The following PPP1R17 variants were observed in gnomAD, a reference collection of about 807,000 sequenced individuals.
PPP1R17 encodes protein phosphatase 1 regulatory subunit 17, also known as G-substrate.
PPP1R17 carries 12 observed loss-of-function variants against 15.9 expected under a neutral mutation model. The observed-to-expected ratio is 0.75, with a 90% CI of 0.48 to 1.22. The LOEUF (loss-of-function observed/expected upper bound fraction) is 1.22. Ranked by LOEUF, PPP1R17 falls within the 50% of genes most tolerant of loss-of-function variation. PPP1R17 has a pLI of 0.00. For synonymous variants in PPP1R17, 63 were observed against 64.5 expected, an observed-to-expected ratio of 0.98 and a Z score of 0.11; for missense variants, 211 against 187.3, an observed-to-expected ratio of 1.13 and a Z score of -0.74.
intron 4 of PPP1R17, among the ~76,000 whole-genome samples, chr7:31,706,790 T>C (rs1411737901): frequency 2.6e-5 from 4 of 152,272 alleles, no homozygotes; most frequent in Non-Finnish European, 4.4e-5. Flanking sequence ...AATAACCCTT[T>C]ATAATAATTG....
intron 1 of PPP1R17, among the ~76,000 whole-genome samples, chr7:31,691,958 G>A (rs1161815003): frequency 6.6e-6 from 1 of 152,118 alleles, no homozygotes; most frequent in Non-Finnish European, 1.5e-5. Context: ...TAATAGATGT[G>A]TGACTAAATT....
Position 31,697,158 on chromosome 7 carries a change from G to T in PPP1R17, c.388+41G>T, listed in dbSNP as rs761946025. 4 of 1,607,140 alleles carry T rather than the reference G, an allele frequency of 2.5e-6. No individual in the cohort carries two copies. The South Asian group carries it at 4.5e-5, about 18-fold the overall frequency. On this transcript the variant is annotated intron_variant, in intron 4 of 4. Coordinates refer to ENST00000342032, the MANE Select transcript of PPP1R17 (RefSeq NM_006658.5). ...CAGGGCATTTGCAGGGGGTGATGGG[G>T]ACAGGTCAAGAACCTTACCATCTGG... is the stretch of plus-strand genomic sequence containing the variant.
At chr7:31,695,322 G>T in intron 2 of PPP1R17, 147 bp from the exon 3 acceptor site, 1 of 578,420 alleles carries the variant, frequency 1.7e-6, no homozygotes, top group East Asian at 3.2e-5. Flanking sequence ...AGTCCTTTGT[G>T]GAATAGGCCA....
chr7:31,707,235 A>G lies in PPP1R17; in HGVS notation c.420A>G (p.Lys140=). 6.2e-7 allele frequency: 1 copy of G among 1,614,096 alleles called. No homozygotes were observed. The highest frequency in any genetic ancestry group is 8.5e-7 in the Non-Finnish European group (1 of 1,179,964). Residue 140 remains lysine (K), a synonymous_variant, in exon 5 of 5, where the codon AAA becomes AAG. Transcript: ENST00000342032. ...CATTGCTCAGGGACGAGAGACCCAA[A>G]GCAATCGTGGAAGATGACGAAAAGG... ...GVTLLRDERP[K]AIVEDDEKDG... is the part of the protein sequence containing the mutation.
rs1254276175 is a variant in PPP1R17 at position 31,707,759 on chromosome 7, A to T, written c.*476A>T. ...AACTCACCGATTGCTTTGCAGACAA[A>T]GGTCTTTTATTTCTCCTGTCCTATC... On this transcript the variant is annotated 3_prime_UTR_variant, in exon 5 of 5. Coordinates refer to ENST00000342032, the MANE Select transcript of PPP1R17 (RefSeq NM_006658.5). 6.4e-6 allele frequency: 1 copy of T among 156,958 alleles called. No individual in the cohort carries two copies. Among genetic ancestry groups the T allele is most frequent in the African/African-American group, 2.4e-5 (1 of 41,456 alleles). 9.7% of individuals were successfully genotyped at this position (156,958 alleles called of 1,614,324 possible).
chr7:31,700,473 T>C (rs1305814662), intron 4 of PPP1R17, among the ~76,000 whole-genome samples: 2 of 152,136 alleles, frequency 1.3e-5, no homozygotes, highest in Non-Finnish European at 2.9e-5. Context: ...AAAGAAGCCA[T>C]CTCCCATAAA....
chr7:31,705,986 A>ATTTTTTTTT lies in PPP1R17; in HGVS notation c.389-1190_389-1182dup, dbSNP rs550189867. Among the ~76,000 whole-genome samples, 60 of 52,510 alleles carry ATTTTTTTTT rather than the reference A, an allele frequency of 1.1e-3. 12 individuals carry two copies. Among genetic ancestry groups the ATTTTTTTTT allele is most frequent in the Non-Finnish European group, 1.6e-3 (45 of 28,276 alleles). 34.4% of individuals were successfully genotyped at this position (52,510 alleles called of 152,430 possible). A position where few individuals can be genotyped will look rare whatever the true frequency, so the allele number is the denominator to read the frequency against. Reference sequence around the variant, plus strand: ...GACTTCTGAATTTCACAGACCAGTAATTTTTTTTTTTTTTTTTTTTTTTTT... The same window carrying ATTTTTTTTT: ...GACTTCTGAATTTCACAGACCAGTAATTTTTTTTTTTTTTTTTTTTTTTTTTTTTTTTTT... On this transcript the variant is annotated intron_variant, in intron 4 of 4. Transcript: ENST00000342032.
chr7:31,703,411 A>G (rs1792934881), intron 4 of PPP1R17, among the ~76,000 whole-genome samples: 2 of 152,230 alleles, frequency 1.3e-5, no homozygotes. Context: ...AAAAATGTTT[A>G]TCAAACAACA....
chr7:31,695,029 A>G (rs1295762121), intron 2 of PPP1R17, among the ~76,000 whole-genome samples: 1 of 152,170 alleles, frequency 6.6e-6, no homozygotes, highest in African/African-American at 2.4e-5. Flanking sequence ...TTCACTGAGG[A>G]CCGAGGGAAC....
intron 3 of PPP1R17, 62 bp downstream of exon 3, chr7:31,695,683 T>G (rs34174): frequency 0.35 from 532,025 of 1,498,694 alleles, 100,357 homozygotes; most frequent in East Asian, 0.69. Context: ...GGTTGCATTG[T>G]TCGTACACAT....
intron 2 of PPP1R17, among the ~76,000 whole-genome samples, chr7:31,692,746 A>G (rs966267642): frequency 1.3e-5 from 2 of 152,144 alleles, no homozygotes; most frequent in Admixed American, 6.5e-5. Flanking sequence ...CATTAGACAG[A>G]GAGAGAGAAA....
chr7:31,696,362 A>C (rs1045622885), intron 3 of PPP1R17, among the ~76,000 whole-genome samples: 1 of 152,204 alleles, frequency 6.6e-6, no homozygotes, highest in Admixed American at 6.5e-5. Context: ...ATAATAGCTG[A>C]AATATGCAGT....
At chr7:31,688,431 GAA>G (rs2128236520) in intron 1 of PPP1R17, among the ~76,000 whole-genome samples, 1 of 152,272 alleles carries the variant, frequency 6.6e-6, no homozygotes, top group South Asian at 2.1e-4. Flanking sequence ...AATGATAAGA[GAA>G]AAGACAAAAA....
intron 4 of PPP1R17, among the ~76,000 whole-genome samples, chr7:31,702,950 G>A (rs964716672): frequency 4.6e-5 from 7 of 152,184 alleles, no homozygotes; most frequent in South Asian, 2.1e-4. Flanking sequence ...AGTCATCCCA[G>A]TATACGAAAT....
intron 1 of PPP1R17, among the ~76,000 whole-genome samples, chr7:31,689,168 CAG>C (rs1254899754): frequency 1.3e-5 from 2 of 152,304 alleles, no homozygotes; most frequent in South Asian, 4.1e-4. Context: ...ATTGCAATGA[CAG>C]TGGCAGTCCA....
At chr7:31,702,029 C>T (rs1180378220) in intron 4 of PPP1R17, among the ~76,000 whole-genome samples, 1 of 152,060 alleles carries the variant, frequency 6.6e-6, no homozygotes, top group Non-Finnish European at 1.5e-5. Flanking sequence ...TTTTAGAAGT[C>T]CTGCAAAAGG....
intron 1 of PPP1R17, among the ~76,000 whole-genome samples, chr7:31,688,338 C>T (rs1562691494): frequency 6.6e-6 from 1 of 152,224 alleles, no homozygotes; most frequent in Non-Finnish European, 1.5e-5. Context: ...TATTGACTCA[C>T]AGCATCCAAT....
chr7:31,692,622 G>A (rs983247734), intron 2 of PPP1R17, 99 bp downstream of exon 2: 25 of 1,113,688 alleles, frequency 2.2e-5, no homozygotes, highest in South Asian at 1.1e-4. Flanking sequence ...GGCACCCCCC[G>A]AAACCTGATA....
At position 31,707,276 on chromosome 7, in the gene PPP1R17, C is replaced by G; in HGVS notation, c.461C>G (p.Ala154Gly). The G allele has an allele frequency of 6.2e-7, 1 of 1,613,388 alleles. No individual in the cohort carries two copies. The highest frequency in any genetic ancestry group is 1.7e-5 in the Admixed American group (1 of 59,950). Reference protein sequence around the residue: ...EDDEKDGDKIAI With the variant: ...EDDEKDGDKIGI ...GACGAAAAGGATGGTGACAAGATAG[C>G]TATTTAAAGATAGTTCCCCTGAGAC... The change falls in exon 5 of 5, where the codon GCT becomes GGT. Residue 154 changes from alanine to glycine, a missense_variant. Physicochemically the swap from Ala to Gly is moderately conservative, Grantham distance 60 (BLOSUM62 0). Coordinates refer to ENST00000342032, the MANE Select transcript of PPP1R17 (RefSeq NM_006658.5).
Sources: gnomAD v4.1 joint callset for allele counts (sites outside exome capture counted in the v4.1 genomes callset) on GRCh38, gnomAD v4.1.1 for gene constraint, MANE v1.5 for transcripts, NCBI Gene and HGNC (gene_info 2026-07-23, HGNC 2026-07-21) for gene names.